Variants in SLC14A2 observed in about 807,000 individuals in gnomAD.
SLC14A2 encodes the protein solute carrier family 14 member 2.
In SLC14A2, 91 loss-of-function variants were observed where a neutral mutation model predicts 104.6. The ratio of observed to expected loss-of-function variants is 0.87; its 90% CI spans 0.73 to 1.04. SLC14A2 has a LOEUF of 1.04. Among genes scored for constraint, SLC14A2 ranks in the 50% least tolerant of loss-of-function variants. SLC14A2 has a pLI of 0.00. For missense variants in SLC14A2, 1,189 were observed against 1,156.0 expected, an observed-to-expected ratio of 1.03 and a Z score of -0.41; for synonymous variants, 476 against 466.4, an observed-to-expected ratio of 1.02 and a Z score of -0.27.
At chr18:45,638,219 A>T (rs576610558) in intron 6 of SLC14A2, among the ~76,000 whole-genome samples, 3 of 152,226 alleles carry the variant, frequency 2.0e-5, no homozygotes, top group Admixed American at 1.3e-4. Context: ...TCTGGTACAA[A>T]GTGTTTTCTG....
the SLC14A2 span, among the ~76,000 whole-genome samples, chr18:45,184,297 A>C: frequency 6.6e-6 from 1 of 152,228 alleles, no homozygotes; most frequent in Non-Finnish European, 1.5e-5. Flanking sequence ...ACATGTAGTA[A>C]GTTAACTAAA....
At chr18:45,356,966 G>A (rs1169042857) in intron 1 of SLC14A2, among the ~76,000 whole-genome samples, 1 of 152,210 alleles carries the variant, frequency 6.6e-6, no homozygotes, top group Non-Finnish European at 1.5e-5. Context: ...CCAGGTGCTA[G>A]AACACAGCAG....
chr18:45,249,282 CT>C (rs879493629), intron 1 of SLC14A2, among the ~76,000 whole-genome samples: 3,518 of 140,676 alleles, frequency 0.025, 84 homozygotes, highest in African/African-American at 0.067. Context: ...ATGCTCCAGC[CT>C]TTTTTTTTTT....
rs541288114 is a variant in SLC14A2 at position 45,223,112 on chromosome 18, C to T, written c.-125+9921C>T. ...TAGTTATTATTTCATTCAATCCTTC[C>T]AGCAGCCCTATAAGATGGAATCTGT... On this transcript the variant is annotated intron_variant, in intron 1 of 20. Coordinates refer to the SLC14A2 transcript ENST00000586448. 5.3e-5 allele frequency among the ~76,000 whole-genome samples: 8 copies of T among 152,290 alleles called. No homozygotes were observed. In the South Asian group the frequency reaches 1.7e-3, roughly 32 times the overall value.
chr18:45,599,812 C>T (rs901633935), intron 2 of SLC14A2, among the ~76,000 whole-genome samples: 7 of 152,264 alleles, frequency 4.6e-5, no homozygotes, highest in East Asian at 1.9e-4. Context: ...TGGCAGAAGA[C>T]GAGGAGCAAG....
chr18:45,203,289 C>A, the SLC14A2 span, among the ~76,000 whole-genome samples: 2 of 152,164 alleles, frequency 1.3e-5, no homozygotes, highest in African/African-American at 4.8e-5. Flanking sequence ...TTGCCTTGAT[C>A]ACCTGAGAAG....
the SLC14A2 span, among the ~76,000 whole-genome samples, chr18:45,190,729 A>G: frequency 2.0e-5 from 3 of 152,208 alleles, no homozygotes; most frequent in Non-Finnish European, 4.4e-5. Flanking sequence ...GCATCCACTA[A>G]GAGTCAGGCA....
chr18:45,169,614 A>G, the SLC14A2 span, among the ~76,000 whole-genome samples: 2 of 152,166 alleles, frequency 1.3e-5, no homozygotes, highest in African/African-American at 4.8e-5. Context: ...GAATATAATG[A>G]GATATGATGA....
chr18:45,256,399 C>T (rs1440714068), intron 1 of SLC14A2, among the ~76,000 whole-genome samples: 1 of 152,172 alleles, frequency 6.6e-6, no homozygotes, highest in Non-Finnish European at 1.5e-5. Context: ...CCACTGAAAC[C>T]TGGCACTTCT....
intron 1 of SLC14A2, among the ~76,000 whole-genome samples, chr18:45,227,516 G>T (rs536077903): frequency 3.9e-5 from 6 of 152,324 alleles, no homozygotes; most frequent in Non-Finnish European, 7.3e-5. Context: ...AAGGCAGAGG[G>T]CAAGCTAGCC....
chr18:45,507,700 G>C (rs1170512610), intron 2 of SLC14A2, among the ~76,000 whole-genome samples: 1 of 152,154 alleles, frequency 6.6e-6, no homozygotes, highest in Non-Finnish European at 1.5e-5. Context: ...CTGCCGTTTG[G>C]GGAGCGGACA....
At chr18:45,418,593 T>A (rs1317768417) in intron 1 of SLC14A2, among the ~76,000 whole-genome samples, 1 of 152,178 alleles carries the variant, frequency 6.6e-6, no homozygotes, top group Non-Finnish European at 1.5e-5. Context: ...TACCTTCAGG[T>A]CAGATTTGAA....
At chr18:45,577,881 G>C (rs967252887) in intron 2 of SLC14A2, among the ~76,000 whole-genome samples, 1 of 152,200 alleles carries the variant, frequency 6.6e-6, no homozygotes, top group Non-Finnish European at 1.5e-5. Flanking sequence ...CTTAATGAAG[G>C]ACATGGCATT....
chr18:45,672,295 C>A (rs1402228494), intron 16 of SLC14A2, among the ~76,000 whole-genome samples: 2 of 152,054 alleles, frequency 1.3e-5, no homozygotes, highest in Non-Finnish European at 2.9e-5. Flanking sequence ...TTTGGGAGAC[C>A]AAGGCAGGCG....
At chr18:45,450,708 A>T (rs982661405) in intron 1 of SLC14A2, among the ~76,000 whole-genome samples, 3 of 152,226 alleles carry the variant, frequency 2.0e-5, no homozygotes, top group African/African-American at 4.8e-5. Context: ...TCTATTAATT[A>T]TCTGATCAAC....
At chr18:45,324,088 T>C (rs1431133131) in intron 1 of SLC14A2, among the ~76,000 whole-genome samples, 3 of 152,202 alleles carry the variant, frequency 2.0e-5, no homozygotes, top group African/African-American at 7.2e-5. Flanking sequence ...ATCTATTAAA[T>C]TGGAGTAAGC....
chr18:45,481,433 C>T (rs184874280), intron 1 of SLC14A2, among the ~76,000 whole-genome samples: 3 of 152,178 alleles, frequency 2.0e-5, no homozygotes, highest in Admixed American at 2.0e-4. Flanking sequence ...GATTTTCTTC[C>T]TCATTTATTT....
intron 1 of SLC14A2, among the ~76,000 whole-genome samples, chr18:45,221,451 CTT>C (rs3035499): frequency 0.093 from 14,132 of 152,230 alleles, 775 homozygotes; most frequent in Non-Finnish European, 0.13. Context: ...GAGTGAGACA[CTT>C]TGATTGGTCC....
intron 1 of SLC14A2, among the ~76,000 whole-genome samples, chr18:45,393,734 G>T (rs1445415201): frequency 6.6e-6 from 1 of 152,168 alleles, no homozygotes; most frequent in Non-Finnish European, 1.5e-5. Context: ...GCTCTGGCCT[G>T]CTTTGCAGGC....
Sources: gnomAD v4.1 joint callset for allele counts (sites outside exome capture counted in the v4.1 genomes callset) on GRCh38, gnomAD v4.1.1 for gene constraint, MANE v1.5 for transcripts, NCBI Gene and HGNC (gene_info 2026-07-23, HGNC 2026-07-21) for gene names.